ATF7IP2: variants seen among roughly 807,000 people sequenced by gnomAD.
ATF7IP2 encodes the protein activating transcription factor 7 interacting protein 2.
In ATF7IP2, 42 loss-of-function variants were observed where a neutral mutation model predicts 64.2. The observed-to-expected ratio is 0.65, with a 90% CI of 0.51 to 0.85. The LOEUF (loss-of-function observed/expected upper bound fraction) is 0.85, where lower values mean the gene tolerates loss of function less well. Among genes scored for constraint, ATF7IP2 ranks in the 40% least tolerant of loss-of-function variants. The pLI, the probability that ATF7IP2 is intolerant of heterozygous loss-of-function variation, is 0.00. For synonymous variants in ATF7IP2, 308 were observed against 272.8 expected (o/e 1.13, Z -1.27); for missense variants, 933 against 784.2 (o/e 1.19, Z -2.27).
chr16:10,462,387 G>A (rs1339509295), intron 9 of ATF7IP2, among the ~76,000 whole-genome samples: 1 of 151,242 alleles, frequency 6.6e-6, no homozygotes, highest in Non-Finnish European at 1.5e-5. Flanking sequence ...TTTGCTTTTA[G>A]TTTTGCTTAG....
At chr16:10,451,534 C>G (rs1206629230) in intron 8 of ATF7IP2, among the ~76,000 whole-genome samples, 2 of 152,006 alleles carry the variant, frequency 1.3e-5, no homozygotes, top group African/African-American at 2.4e-5. Context: ...ATTCTTTTTT[C>G]TCTAATCTTG....
chr16:10,451,633 C>T (rs2048987456), intron 8 of ATF7IP2, among the ~76,000 whole-genome samples: 1 of 151,936 alleles, frequency 6.6e-6, no homozygotes, highest in African/African-American at 2.4e-5. Context: ...CTTGTGTATG[C>T]TTCATGAAGT....
intron 1 of ATF7IP2, among the ~76,000 whole-genome samples, chr16:10,409,546 C>T (rs568251168): frequency 3.4e-4 from 52 of 151,808 alleles, no homozygotes; most frequent in African/African-American, 1.2e-3. Context: ...CTTGCCTCAG[C>T]CTCCTAAGTA....
rs74007077 is a variant in ATF7IP2, at chr16:10,390,228, C to A, written c.-242+4106C>A. 8.0e-3 allele frequency among the ~76,000 whole-genome samples: 1,222 copies of A among 151,900 alleles called. 17 individuals carry two copies. Among genetic ancestry groups the A allele is most frequent in the African/African-American group, 0.028 (1,142 of 41,410 alleles). Reference sequence around the variant, plus strand: ...AAACCCAATGAAGCAGGAAAAAACCCAACTAAATCAGCATGCACCCATAAC... The same window carrying A: ...AAACCCAATGAAGCAGGAAAAAACCAAACTAAATCAGCATGCACCCATAAC... On this transcript the variant is annotated intron_variant, in intron 1 of 13. Coordinates refer to ENST00000562102, the MANE Select transcript of ATF7IP2 (RefSeq NM_001393719.1).
intron 2 of ATF7IP2, among the ~76,000 whole-genome samples, chr16:10,418,345 C>G (rs1463452771): frequency 6.6e-6 from 1 of 152,242 alleles, no homozygotes. Flanking sequence ...GCATGTCACA[C>G]TGCTGCAGAG....
At chr16:10,459,875 A>T (rs1036930078) in intron 9 of ATF7IP2, among the ~76,000 whole-genome samples, 1 of 152,196 alleles carries the variant, frequency 6.6e-6, no homozygotes, top group Admixed American at 6.5e-5. Context: ...ATACAAAAGA[A>T]AGATGCCTGC....
intron 3 of ATF7IP2, among the ~76,000 whole-genome samples, chr16:10,425,092 C>T (rs915186914): frequency 6.9e-6 from 1 of 144,324 alleles, no homozygotes; most frequent in South Asian, 2.2e-4. Context: ...GAGTTTCACT[C>T]CTGTTGACCA....
At chr16:10,387,918 T>C (rs899018244) in intron 1 of ATF7IP2, among the ~76,000 whole-genome samples, 7 of 151,802 alleles carry the variant, frequency 4.6e-5, no homozygotes, top group African/African-American at 1.7e-4. Flanking sequence ...TATTTTTCTT[T>C]GTGAGGCAGA....
intron 12 of ATF7IP2, among the ~76,000 whole-genome samples, chr16:10,476,959 C>T (rs1406735115): frequency 6.6e-6 from 1 of 152,144 alleles, no homozygotes; most frequent in African/African-American, 2.4e-5. Context: ...CTGCAGTTAA[C>T]ATATACATGC....
chr16:10,474,278 C>T (rs1028314752), intron 12 of ATF7IP2, among the ~76,000 whole-genome samples: 8 of 152,176 alleles, frequency 5.3e-5, no homozygotes, highest in African/African-American at 1.9e-4. Flanking sequence ...TTTGATAATG[C>T]AGTATGTGTC....
chr16:10,404,606 C>T (rs192860437), intron 1 of ATF7IP2, among the ~76,000 whole-genome samples: 25 of 152,170 alleles, frequency 1.6e-4, no homozygotes, highest in African/African-American at 6.0e-4. Flanking sequence ...TGCAGTGGCA[C>T]GATCATGGCT....
chr16:10,481,755 ATTGAAGAATGAGAAATATAT>A, intron 13 of ATF7IP2, 61 bp from the exon 14 acceptor site: 2 of 1,191,712 alleles, frequency 1.7e-6, no homozygotes, highest in Non-Finnish European at 2.3e-6. Context: ...TGATAAATGG[ATTGAAGAATGAGAAATATAT>A]ATTTCTACAA....
chr16:10,400,817 G>T (rs2047516201), intron 1 of ATF7IP2, among the ~76,000 whole-genome samples: 1 of 152,116 alleles, frequency 6.6e-6, no homozygotes, highest in African/African-American at 2.4e-5. Flanking sequence ...GAGTAGCTGA[G>T]ATTACAGGTG....
chr16:10,467,206 C>T (rs1396292852), intron 9 of ATF7IP2, among the ~76,000 whole-genome samples: 1 of 152,142 alleles, frequency 6.6e-6, no homozygotes, highest in East Asian at 1.9e-4. Flanking sequence ...GACTGTTTGC[C>T]AGGGCTCCTT....
At chr16:10,395,409 G>A (rs2047403005) in intron 1 of ATF7IP2, among the ~76,000 whole-genome samples, 1 of 152,090 alleles carries the variant, frequency 6.6e-6, no homozygotes, top group East Asian at 1.9e-4. Context: ...TCAAGAAATA[G>A]AAGAGGACAG....
At chr16:10,401,400 C>A (rs2047532347) in intron 1 of ATF7IP2, among the ~76,000 whole-genome samples, 1 of 152,064 alleles carries the variant, frequency 6.6e-6, no homozygotes, top group Non-Finnish European at 1.5e-5. Flanking sequence ...GAACTCCTGA[C>A]CTTGTGATCC....
At chr16:10,438,882 A>G (rs1047440258) in intron 7 of ATF7IP2, among the ~76,000 whole-genome samples, 5 of 151,960 alleles carry the variant, frequency 3.3e-5, no homozygotes, top group African/African-American at 7.2e-5. Context: ...GTGAAACCCA[A>G]TCTCTCCTAA....
rs543388255 is a variant in ATF7IP2, at chr16:10,396,498, T to G, written c.-242+10376T>G. On this transcript the variant is annotated intron_variant, in intron 1 of 13. Transcript: ENST00000562102. ...GATTTTCCCTGTGTTTCCAGTAGTTTTACAGTTTTGGGTCTTACATATAAG... is the reference window on the plus strand; with the variant it reads ...GATTTTCCCTGTGTTTCCAGTAGTTGTACAGTTTTGGGTCTTACATATAAG... Among the ~76,000 whole-genome samples the G allele has an allele frequency of 3.7e-4, 56 of 152,280 alleles. No individual in the cohort carries two copies. In the South Asian group the frequency reaches 0.012, roughly 32 times the overall value.
chr16:10,417,886 G>T (rs1422222282), intron 2 of ATF7IP2, among the ~76,000 whole-genome samples: 3 of 152,196 alleles, frequency 2.0e-5, no homozygotes. Flanking sequence ...TGTTTTTTAT[G>T]AGGGTGTCAT....
Sources: gnomAD v4.1 joint callset for allele counts (sites outside exome capture counted in the v4.1 genomes callset) on GRCh38, gnomAD v4.1.1 for gene constraint, MANE v1.5 for transcripts, NCBI Gene and HGNC (gene_info 2026-07-23, HGNC 2026-07-21) for gene names.